HPSE2: variants seen among roughly 807,000 people sequenced by gnomAD.
HPSE2 encodes inactive heparanase-2.
A neutral mutation model predicts 60.5 loss-of-function variants in HPSE2; 38 were observed. The observed-to-expected ratio is 0.63, with a 90% CI of 0.48 to 0.82. The LOEUF is 0.82. Among genes scored for constraint, HPSE2 ranks in the 40% least tolerant of loss-of-function variants. HPSE2 has a pLI of 0.00. For missense variants in HPSE2, 713 were observed against 740.4 expected (o/e 0.96, Z 0.43); for synonymous variants, 295 against 293.2 (o/e 1.01, Z -0.06).
chr10:99,083,983 T>C, intron 3 of HPSE2, among the ~76,000 whole-genome samples: 1 of 148,694 alleles, frequency 6.7e-6, no homozygotes, highest in Non-Finnish European at 1.5e-5. Context: ...TTTTTTTTTT[T>C]TTTTTTTTTA....
intron 9 of HPSE2, among the ~76,000 whole-genome samples, chr10:98,546,330 G>C (rs1943672295): frequency 1.5e-5 from 2 of 136,008 alleles, no homozygotes; most frequent in African/African-American, 2.5e-5. Context: ...AACCAAAAAA[G>C]AGCCTGCATC....
Position 99,106,349 on chromosome 10 carries a change from G to A in HPSE2, c.610+37889C>T, listed in dbSNP as rs572390566. Among the ~76,000 whole-genome samples, 23 of 152,126 alleles carry A rather than the reference G, an allele frequency of 1.5e-4. No homozygotes were observed. The South Asian group carries it at 4.8e-3, about 32-fold the overall frequency. The stretch of plus-strand genomic sequence containing the variant: ...AATTGTTGGTAGATGCCCTTTATCA[G>A]AATGAAGTTTCTTCTAGTTTGCTGA... On this transcript the variant is annotated intron_variant, in intron 3 of 11. Transcript: ENST00000370552.
intron 3 of HPSE2, among the ~76,000 whole-genome samples, chr10:98,808,804 A>G (rs2134560708): frequency 6.6e-6 from 1 of 152,250 alleles, no homozygotes; most frequent in Non-Finnish European, 1.5e-5. Context: ...AGTGCCCTTC[A>G]AAGGTGCCAT....
intron 2 of HPSE2, among the ~76,000 whole-genome samples, chr10:99,190,499 G>T (rs1049880981): frequency 6.6e-6 from 1 of 152,108 alleles, no homozygotes; most frequent in Non-Finnish European, 1.5e-5. Context: ...TAACTGACTC[G>T]TCCACACAGT....
At chr10:98,901,231 CACA>C (rs1465458786) in intron 3 of HPSE2, among the ~76,000 whole-genome samples, 2 of 152,138 alleles carry the variant, frequency 1.3e-5, no homozygotes, top group Admixed American at 6.6e-5. Flanking sequence ...CAAGGAGGAG[CACA>C]ACAACACTTT....
chr10:99,160,772 G>A (rs1048547583), intron 2 of HPSE2, among the ~76,000 whole-genome samples: 12 of 150,172 alleles, frequency 8.0e-5, no homozygotes, highest in South Asian at 2.1e-4. Context: ...AGTGGCGGGC[G>A]CCTGTAGTCC....
At chr10:99,068,382 G>A in intron 3 of HPSE2, among the ~76,000 whole-genome samples, 1 of 152,280 alleles carries the variant, frequency 6.6e-6, no homozygotes, top group Admixed American at 6.5e-5. Context: ...CACGTGGCTG[G>A]GGAGACTCAC....
At chr10:98,958,972 T>G (rs1955579290) in intron 3 of HPSE2, among the ~76,000 whole-genome samples, 1 of 152,062 alleles carries the variant, frequency 6.6e-6, no homozygotes, top group African/African-American at 2.4e-5. Flanking sequence ...CCTCAATTTC[T>G]CCATCTGAAG....
chr10:98,939,300 G>C (rs1408402626), intron 3 of HPSE2, among the ~76,000 whole-genome samples: 1 of 143,026 alleles, frequency 7.0e-6, no homozygotes, highest in East Asian at 2.0e-4. Flanking sequence ...AAATTGGATG[G>C]AGTCAAGACC....
intron 3 of HPSE2, among the ~76,000 whole-genome samples, chr10:98,986,633 A>G (rs1956361224): frequency 7.0e-6 from 1 of 143,338 alleles, no homozygotes; most frequent in African/African-American, 2.5e-5. Context: ...GGCAAGAAAT[A>G]ACTAAGATCA....
At chr10:99,102,933 C>A (rs1458304601) in intron 3 of HPSE2, among the ~76,000 whole-genome samples, 1 of 152,134 alleles carries the variant, frequency 6.6e-6, no homozygotes, top group African/African-American at 2.4e-5. Flanking sequence ...AATTCAACAA[C>A]CCTTCATGCT....
chr10:99,110,023 G>A (rs929322505), intron 3 of HPSE2, among the ~76,000 whole-genome samples: 2 of 152,034 alleles, frequency 1.3e-5, no homozygotes, highest in Admixed American at 1.3e-4. Context: ...TTATACGATA[G>A]CAAAAATTTG....
At chr10:99,112,787 C>CA (rs1272722346) in intron 3 of HPSE2, among the ~76,000 whole-genome samples, 3 of 151,994 alleles carry the variant, frequency 2.0e-5, no homozygotes, top group Non-Finnish European at 4.4e-5. Flanking sequence ...TCTAATGAAA[C>CA]AGACAGAACA....
intron 3 of HPSE2, among the ~76,000 whole-genome samples, chr10:99,142,653 TA>T (rs1564840946): frequency 6.6e-6 from 1 of 152,142 alleles, no homozygotes; most frequent in Admixed American, 6.5e-5. Context: ...GTTGTCAGGG[TA>T]AAAGTTGACA....
chr10:99,242,117 AC>A, the HPSE2 span, among the ~76,000 whole-genome samples: 1 of 152,216 alleles, frequency 6.6e-6, no homozygotes, highest in Admixed American at 6.5e-5. Context: ...AACCCTGGTT[AC>A]AAAGTATGTT....
chr10:99,304,155 C>T, the HPSE2 span, among the ~76,000 whole-genome samples: 1 of 152,296 alleles, frequency 6.6e-6, no homozygotes, highest in South Asian at 2.1e-4. Context: ...ACTTAGACAT[C>T]AGGCCAGATT....
chr10:98,473,449 C>T (rs192503643), intron 11 of HPSE2, among the ~76,000 whole-genome samples: 388 of 137,464 alleles, frequency 2.8e-3, no homozygotes, highest in African/African-American at 4.7e-3. Flanking sequence ...TGCACCACTG[C>T]GCTCCAGCCT....
chr10:98,995,437 T>C (rs1188997672), intron 3 of HPSE2, among the ~76,000 whole-genome samples: 2 of 152,218 alleles, frequency 1.3e-5, no homozygotes, highest in Non-Finnish European at 2.9e-5. Flanking sequence ...ATTAGGCCCA[T>C]TCCTGATGTA....
At chr10:99,155,554 A>C (rs1478149401) in intron 2 of HPSE2, among the ~76,000 whole-genome samples, 1 of 137,424 alleles carries the variant, frequency 7.3e-6, no homozygotes, top group Admixed American at 7.6e-5. Context: ...TTTGAAACCA[A>C]CGAGAACAAA....
Sources: gnomAD v4.1 joint callset for allele counts (sites outside exome capture counted in the v4.1 genomes callset) on GRCh38, gnomAD v4.1.1 for gene constraint, MANE v1.5 for transcripts, NCBI Gene and HGNC (gene_info 2026-07-23, HGNC 2026-07-21) for gene names.